The following XG variants were observed in gnomAD, a reference collection of about 807,000 sequenced individuals.
The protein encoded by XG is Xg glycoprotein (Xg blood group), also known as glycoprotein Xg.
Under a neutral mutation model 25.7 loss-of-function variants are expected in XG, and 24 were observed. The ratio of observed to expected loss-of-function variants is 0.93; its 90% CI spans 0.68 to 1.31. The LOEUF is 1.31. Among genes scored for constraint, XG ranks in the 40% most tolerant of loss-of-function variants. The probability of loss-of-function intolerance (pLI) is 0.00; values close to 1 mark genes in which losing one functional copy is unlikely to be tolerated. For synonymous variants in XG, 77 were observed against 69.2 expected (o/e 1.11, Z -0.56); for missense variants, 181 against 187.6 (o/e 0.96, Z 0.21).
Position 2,786,498 on chromosome X carries a change from C to T in XG, c.191-3146C>T, listed in dbSNP as rs141609135. ...GGCCAGGCTGGTCTCAAACTCCTGA[C>T]CTCAGGTGATCTGCCCACCTTGGCC... On this transcript the variant is annotated intron_variant, in intron 4 of 10. Coordinates refer to ENST00000644266, the MANE Select transcript of XG (RefSeq NM_001141919.2). Among the ~76,000 whole-genome samples, 416 of 109,526 alleles carry T rather than the reference C, an allele frequency of 3.8e-3. 2 individuals are homozygous for T. Among genetic ancestry groups the T allele is most frequent in the African/African-American group, 0.013 (399 of 30,124 alleles).
chrX:2,770,513 A>G lies in XG; in HGVS notation c.62-37A>G, dbSNP rs377197411. 20 of 1,613,566 alleles carry G rather than the reference A, an allele frequency of 1.2e-5. No homozygotes were observed. In the African/African-American group the frequency reaches 2.5e-4, roughly 20 times the overall value. ...GAACAAGGGGGATTCTGGCCTTTCC[A>G]TCATGGGGTGACTTATGCCCTGTTT... On this transcript the variant is annotated intron_variant, in intron 1 of 10. Coordinates refer to ENST00000644266, the MANE Select transcript of XG (RefSeq NM_001141919.2).
chrX:2,760,340 A>C (rs1323510023), intron 1 of XG, among the ~76,000 whole-genome samples: 2 of 152,058 alleles, frequency 1.3e-5, no homozygotes, highest in African/African-American at 4.8e-5. Context: ...TCCATGGTTT[A>C]AATCTGTTGT....
intron 3 of XG, among the ~76,000 whole-genome samples, chrX:2,775,702 T>G (rs1475258637): frequency 3.3e-5 from 5 of 152,050 alleles, no homozygotes; most frequent in Admixed American, 6.5e-5. Context: ...ACACCTGTAA[T>G]CCCAGCGCTT....
At chrX:2,773,504 A>AGGG (rs1569461953) in intron 2 of XG, among the ~76,000 whole-genome samples, 1 of 142,620 alleles carries the variant, frequency 7.0e-6, no homozygotes, top group African/African-American at 2.6e-5. Context: ...GGAAGGAGAG[A>AGGG]AGGAAGGAAG....
intron 3 of XG, chrX:2,775,071 C>G (rs190160148): frequency 0.024 from 8,298 of 345,730 alleles, 266 homozygotes; most frequent in African/African-American, 0.16. Context: ...TTTGGTGGAT[C>G]CTCCAAAAGT....
chrX:2,797,472 A>G (rs2086896854), intron 7 of XG, 112 bp downstream of exon 7: 1 of 869,150 alleles, frequency 1.2e-6, no homozygotes, highest in East Asian at 3.4e-5. Flanking sequence ...TTTGGTGAGT[A>G]GGGTGCTGTG....
intron 4 of XG, among the ~76,000 whole-genome samples, chrX:2,788,629 C>G (rs1157600706): frequency 9.0e-6 from 1 of 111,083 alleles, no homozygotes; most frequent in African/African-American, 3.3e-5. Context: ...CCAAGGTGGG[C>G]AGATCACCTG....
At chrX:2,790,505 GAAAA>G (rs55649691) in intron 5 of XG, among the ~76,000 whole-genome samples, 1 of 79,731 alleles carries the variant, frequency 1.3e-5, no homozygotes. Flanking sequence ...GTCTCAAAAG[GAAAA>G]AAAAAAAAAA....
rs1329590059 is a variant in XG, at chrX:2,760,864, C to T, written c.61+8529C>T. 2.0e-5 allele frequency among the ~76,000 whole-genome samples: 3 copies of T among 151,660 alleles called. No individual in the cohort carries two copies. The East Asian group carries it at 5.8e-4, about 29-fold the overall frequency. On this transcript the variant is annotated intron_variant, in intron 1 of 10. Transcript: ENST00000644266. ...ACACAGACATGCACACAGGGACGAT[C>T]CTGTGAGGACTTAGGGAAAAGATGG...
At chrX:2,767,672 C>G (rs764102687) in intron 1 of XG, among the ~76,000 whole-genome samples, 5 of 152,228 alleles carry the variant, frequency 3.3e-5, no homozygotes, top group South Asian at 2.1e-4. Flanking sequence ...ACTCCAGACC[C>G]GTGAGGACCC....
At chrX:2,762,076 G>A (rs1352690000) in intron 1 of XG, among the ~76,000 whole-genome samples, 4 of 152,282 alleles carry the variant, frequency 2.6e-5, no homozygotes, top group African/African-American at 7.2e-5. Flanking sequence ...TGAGGGATCC[G>A]TGTGCATGCC....
rs770664869 is a variant in XG at position 2,789,694 on chromosome X, G to A, written c.241G>A (p.Gly81Ser). The A allele has an allele frequency of 1.7e-5, 19 of 1,124,515 alleles. No individual in the cohort carries two copies. In the South Asian group the frequency reaches 2.9e-4, roughly 17 times the overall value. The allele number at this position is 1,124,515 out of a possible 1,213,427, so 92.7% of individuals were successfully genotyped here. Residue 81 changes from glycine to serine, a missense_variant, in exon 5 of 11, where the codon GGC (glycine) becomes AGC (serine). Coordinates refer to ENST00000644266, the MANE Select transcript of XG (RefSeq NM_001141919.2). ...PRPQPQPGNS[G>S]NSGGYFNDVD... ...CCCTCAACCCCAGCCTGGCAATTCCGGCAACAGTGGAGGTAATGAGTATTT... is the reference window on the plus strand; with the variant it reads ...CCCTCAACCCCAGCCTGGCAATTCCAGCAACAGTGGAGGTAATGAGTATTT...
intron 1 of XG, among the ~76,000 whole-genome samples, chrX:2,753,583 CT>C (rs1044907547): frequency 6.9e-4 from 100 of 145,250 alleles, no homozygotes; most frequent in Middle Eastern, 3.6e-3. Context: ...TACAACTTTT[CT>C]TTTTTTTTTT....
Position 2,752,384 on chromosome X carries a change from C to G in XG, c.61+49C>G, listed in dbSNP as rs772309183. 6.2e-6 allele frequency: 10 copies of G among 1,611,560 alleles called. No individual in the cohort carries two copies. In the South Asian group the frequency reaches 1.1e-4, roughly 18 times the overall value. ...GAGATCTGCCTGGGCATGGATTTTT[C>G]TATTCTTGCTTTAAGAAACTCTTTC... On this transcript the variant is annotated intron_variant, in intron 1 of 10. Transcript: ENST00000644266.
chrX:2,758,893 T>C (rs2050495700), intron 1 of XG, among the ~76,000 whole-genome samples: 2 of 152,320 alleles, frequency 1.3e-5, no homozygotes, highest in African/African-American at 2.4e-5. Flanking sequence ...GTCTCTATTA[T>C]ATACACCTAT....
chrX:2,782,197 C>G (rs778698071), intron 4 of XG, 69 bp downstream of exon 4: 1 of 1,112,936 alleles, frequency 9.0e-7, no homozygotes, highest in South Asian at 1.9e-5. Flanking sequence ...TATTTACTAG[C>G]AGGTTTAGCC....
At chrX:2,772,881 C>G (rs73190949) in intron 2 of XG, among the ~76,000 whole-genome samples, 8,707 of 152,280 alleles carry the variant, frequency 0.057, 323 homozygotes, top group Middle Eastern at 0.092. Context: ...CCTGTTCATC[C>G]ACAGCCCTTC....
chrX:2,784,077 C>G (rs772677990), intron 4 of XG, among the ~76,000 whole-genome samples: 1 of 111,761 alleles, frequency 8.9e-6, no homozygotes, highest in East Asian at 2.8e-4. Context: ...CTTTTTTCCC[C>G]CTCTTTCATG....
intron 10 of XG, among the ~76,000 whole-genome samples, chrX:2,812,534 C>T (rs1362095347): frequency 9.0e-6 from 1 of 111,095 alleles, no homozygotes; most frequent in Non-Finnish European, 1.9e-5. Flanking sequence ...GTGCCCATTC[C>T]TACGGTGTTT....
Sources: gnomAD v4.1 joint callset for allele counts (sites outside exome capture counted in the v4.1 genomes callset) on GRCh38, gnomAD v4.1.1 for gene constraint, MANE v1.5 for transcripts, NCBI Gene and HGNC (gene_info 2026-07-23, HGNC 2026-07-21) for gene names.